Variants in ZFHX3 observed in about 807,000 individuals in gnomAD.
ZFHX3 encodes the protein zinc finger homeobox 3.
ZFHX3 carries 42 observed loss-of-function variants against 279.1 expected under a neutral mutation model. The ratio of observed to expected loss-of-function variants is 0.15; its 90% confidence interval spans 0.12 to 0.19. The LOEUF is 0.19. Ranked by LOEUF, ZFHX3 falls within the 10% of genes least tolerant of loss-of-function variation. The pLI, the probability that ZFHX3 is intolerant of heterozygous loss-of-function variation, is 1.00. For missense variants in ZFHX3, 4,981 were observed against 4,754.0 expected, an observed-to-expected ratio of 1.05 and a Z score of -1.40; for synonymous variants, 2,293 against 1,957.8, an observed-to-expected ratio of 1.17 and a Z score of -4.52.
chr16:73,270,397 C>T (rs146645930), intron 4 of ZFHX3, among the ~76,000 whole-genome samples: 284 of 152,252 alleles, frequency 1.9e-3, no homozygotes, highest in Non-Finnish European at 3.0e-3. Context: ...CACTGATGTG[C>T]GTGGAGAACA....
chr16:73,058,872 G>C, exon 1 of ZFHX3: 1 of 163,590 alleles, frequency 6.1e-6, no homozygotes, highest in Non-Finnish European at 1.3e-5. Flanking sequence ...AAGAGAAGCG[G>C]CGGCGGCGGC....
intron 4 of ZFHX3, among the ~76,000 whole-genome samples, chr16:72,884,324 G>A (rs1266017644): frequency 6.6e-6 from 1 of 152,196 alleles, no homozygotes; most frequent in African/African-American, 2.4e-5. Context: ...TCTGTAAAGG[G>A]AGGATACTGC....
At chr16:73,427,485 A>G (rs114134681) in intron 3 of ZFHX3, among the ~76,000 whole-genome samples, 9,630 of 152,174 alleles carry the variant, frequency 0.063, 1,041 homozygotes, top group African/African-American at 0.22. Flanking sequence ...TCCCACCCAG[A>G]TAGCCTCTTC....
intron 1 of ZFHX3, among the ~76,000 whole-genome samples, chr16:73,055,354 T>A (rs1965525314): frequency 6.6e-6 from 1 of 152,100 alleles, no homozygotes; most frequent in Admixed American, 6.5e-5. Context: ...TCTGGTGCCT[T>A]TAAACCACAG....
chr16:72,844,929 G>C (rs1012297826), intron 4 of ZFHX3, among the ~76,000 whole-genome samples: 2 of 150,994 alleles, frequency 1.3e-5, no homozygotes, highest in African/African-American at 4.9e-5. Flanking sequence ...TGTAGTAACA[G>C]TGCTCCCCTT....
intron 1 of ZFHX3, among the ~76,000 whole-genome samples, chr16:72,962,864 G>C (rs1289834186): frequency 1.3e-5 from 2 of 152,052 alleles, no homozygotes; most frequent in Admixed American, 6.6e-5. Flanking sequence ...GGAGGTGCAG[G>C]GATGGAGATG....
intron 1 of ZFHX3, among the ~76,000 whole-genome samples, chr16:73,864,748 A>G (rs1431910843): frequency 6.6e-6 from 1 of 152,162 alleles, no homozygotes; most frequent in Non-Finnish European, 1.5e-5. Context: ...TAATAAAGAA[A>G]ATAAAATAGG....
At chr16:73,470,209 T>C (rs1025320692) in intron 2 of ZFHX3, among the ~76,000 whole-genome samples, 5 of 152,208 alleles carry the variant, frequency 3.3e-5, no homozygotes, top group Non-Finnish European at 7.3e-5. Context: ...TCATTTCTCC[T>C]GCTAATGTAC....
At chr16:73,209,835 A>G (rs930284445) in intron 5 of ZFHX3, among the ~76,000 whole-genome samples, 12 of 152,198 alleles carry the variant, frequency 7.9e-5, no homozygotes, top group Non-Finnish European at 1.8e-4. Flanking sequence ...TTATGTTAAT[A>G]TGGAAATTGT....
intron 1 of ZFHX3, among the ~76,000 whole-genome samples, chr16:73,787,853 G>GT (rs1555501659): frequency 5.8e-5 from 8 of 137,298 alleles, no homozygotes; most frequent in African/African-American, 2.2e-4. Context: ...GTGTGTGTGT[G>GT]AAAGAGAGAG....
At chr16:73,787,040 A>C (rs60077801) in intron 1 of ZFHX3, among the ~76,000 whole-genome samples, 154 of 152,248 alleles carry the variant, frequency 1.0e-3, no homozygotes, top group African/African-American at 3.6e-3. Context: ...TTTGTGCCAT[A>C]ATTTCCTTTT....
chr16:73,141,736 C>G (rs991074314), intron 6 of ZFHX3, among the ~76,000 whole-genome samples: 1 of 152,104 alleles, frequency 6.6e-6, no homozygotes, highest in Non-Finnish European at 1.5e-5. Context: ...TACCACCCTC[C>G]CTTTGAGGTA....
chr16:73,721,083 A>G (rs1038642646), intron 1 of ZFHX3, among the ~76,000 whole-genome samples: 2 of 152,142 alleles, frequency 1.3e-5, no homozygotes, highest in Non-Finnish European at 2.9e-5. Context: ...CACTTCCTCC[A>G]TAAGAAGAAC....
At chr16:73,344,259 G>C (rs2016086239) in intron 3 of ZFHX3, among the ~76,000 whole-genome samples, 1 of 152,084 alleles carries the variant, frequency 6.6e-6, no homozygotes, top group Admixed American at 6.5e-5. Context: ...GGGTGTTTCT[G>C]CCAAAAATTC....
chr16:73,006,890 C>T (rs970795755), intron 1 of ZFHX3, among the ~76,000 whole-genome samples: 2 of 152,126 alleles, frequency 1.3e-5, no homozygotes, highest in African/African-American at 2.4e-5. Flanking sequence ...AATGTAAATG[C>T]TATATAAATA....
intron 1 of ZFHX3, among the ~76,000 whole-genome samples, chr16:73,018,844 A>G (rs113682021): frequency 1.9e-4 from 29 of 152,192 alleles, no homozygotes; most frequent in African/African-American, 5.8e-4. Flanking sequence ...CTTCTCATTC[A>G]AAGGTTACCC....
intron 3 of ZFHX3, among the ~76,000 whole-genome samples, chr16:73,322,206 G>A (rs1438869223): frequency 3.3e-5 from 5 of 152,136 alleles, no homozygotes; most frequent in East Asian, 3.9e-4. Flanking sequence ...GCATGGGGGC[G>A]TGGGGGAGCC....
At chr16:73,160,767 C>G (rs905378010) in intron 5 of ZFHX3, among the ~76,000 whole-genome samples, 2 of 146,626 alleles carry the variant, frequency 1.4e-5, no homozygotes, top group Non-Finnish European at 3.0e-5. Flanking sequence ...CTTTTCTTTT[C>G]TCTTCTTTTT....
intron 9 of ZFHX3, among the ~76,000 whole-genome samples, chr16:72,792,478 A>AGAC (rs909732824): frequency 1.3e-5 from 2 of 151,344 alleles, no homozygotes; most frequent in African/African-American, 2.4e-5. Context: ...TCTTTTTTTG[A>AGAC]GACAGTCTCG....
Sources: gnomAD v4.1 joint callset for allele counts (sites outside exome capture counted in the v4.1 genomes callset) on GRCh38, gnomAD v4.1.1 for gene constraint, MANE v1.5 for transcripts, NCBI Gene and HGNC (gene_info 2026-07-23, HGNC 2026-07-21) for gene names.